The following CUX2 variants were observed in gnomAD, a reference collection of about 807,000 sequenced individuals.
The protein encoded by CUX2 is cut like homeobox 2.
In CUX2, 40 loss-of-function variants were observed where a neutral mutation model predicts 144.8. That is an observed-to-expected ratio of 0.28 (90% CI 0.21 to 0.36). The LOEUF is 0.36. Ranked by LOEUF, CUX2 falls within the 10% of genes least tolerant of loss-of-function variation. The pLI is 1.00. For missense variants in CUX2, 1,615 were observed against 1,994.0 expected, an observed-to-expected ratio of 0.81 and a Z score of 3.62; for synonymous variants, 827 against 875.6, an observed-to-expected ratio of 0.94 and a Z score of 0.98.
chr12:111,043,065 A>G (rs1869825420), intron 1 of CUX2, among the ~76,000 whole-genome samples: 1 of 152,202 alleles, frequency 6.6e-6, no homozygotes. Flanking sequence ...TACATTCACC[A>G]CTTACGGTAT....
chr12:111,349,788 A>G lies in CUX2; in HGVS notation c.*1463A>G, dbSNP rs953171166. 1 of 152,188 alleles carries G rather than the reference A, an allele frequency of 6.6e-6. No individual in the cohort carries two copies. Among genetic ancestry groups the G allele is most frequent in the South Asian group, 2.1e-4 (1 of 4,830 alleles). 9.4% of individuals were successfully genotyped at this position (152,188 alleles called of 1,614,324 possible). A position where few individuals can be genotyped will look rare whatever the true frequency, so the allele number is the denominator to read the frequency against. ...TTACGTTTCCTTTTTCAAACTGTCC[A>G]TGGGAAGGCTGAATTGAGTGACTCC... On this transcript the variant is annotated 3_prime_UTR_variant, in exon 22 of 22. Coordinates refer to ENST00000261726, the MANE Select transcript of CUX2 (RefSeq NM_015267.4).
At chr12:111,216,996 G>A (rs1345611668) in intron 2 of CUX2, among the ~76,000 whole-genome samples, 1 of 152,188 alleles carries the variant, frequency 6.6e-6, no homozygotes, top group Non-Finnish European at 1.5e-5. Flanking sequence ...GTGGCTGATT[G>A]TGATGGGGGA....
rs111781579 is a variant in CUX2, at chr12:111,042,096, A to G, written c.63+7856A>G. The stretch of plus-strand genomic sequence containing the variant: ...AACAAAGAAAGAAAGAAAGAAATCA[A>G]TCCTTCGGCCTCTTTGGCCTGAGCT... On this transcript the variant is annotated intron_variant, in intron 1 of 21. Transcript: ENST00000261726. 3.1e-3 allele frequency among the ~76,000 whole-genome samples: 465 copies of G among 152,218 alleles called. 2 individuals carry two copies. The highest frequency in any genetic ancestry group is 0.011 in the African/African-American group (441 of 41,546).
intron 1 of CUX2, among the ~76,000 whole-genome samples, chr12:111,100,396 A>G (rs919335315): frequency 6.6e-6 from 1 of 151,702 alleles, no homozygotes; most frequent in Middle Eastern, 3.2e-3. Flanking sequence ...GTGTGCACTC[A>G]TGAGTTGTGT....
intron 16 of CUX2, among the ~76,000 whole-genome samples, chr12:111,317,083 A>G (rs1360866423): frequency 6.6e-6 from 1 of 152,210 alleles, no homozygotes; most frequent in Non-Finnish European, 1.5e-5. Context: ...TTATGACAAA[A>G]TAATGTTCCA....
chr12:111,125,262 C>A (rs1178415397), intron 1 of CUX2, among the ~76,000 whole-genome samples: 2 of 151,850 alleles, frequency 1.3e-5, no homozygotes, highest in Non-Finnish European at 1.5e-5. Flanking sequence ...TCACTGCAAC[C>A]TCCGCCTCTT....
chr12:111,242,614 G>C (rs1055275152), intron 3 of CUX2, among the ~76,000 whole-genome samples: 1 of 152,152 alleles, frequency 6.6e-6, no homozygotes, highest in African/African-American at 2.4e-5. Flanking sequence ...AGGAATTCAA[G>C]ACCAGCCTGG....
rs1263846494 is a variant in CUX2, at chr12:111,186,905, A to T, written c.64-27295A>T. ...GTGATTCTCCTGCCTCAGCCTCCTGAGTAGCTGGGATTACAGGCACGTGCC... is the reference window on the plus strand; with the variant it reads ...GTGATTCTCCTGCCTCAGCCTCCTGTGTAGCTGGGATTACAGGCACGTGCC... On this transcript the variant is annotated intron_variant, in intron 1 of 21. Coordinates refer to ENST00000261726, the MANE Select transcript of CUX2 (RefSeq NM_015267.4). The surrounding 1 kb of genome is among the most constrained non-coding windows in gnomAD (Gnocchi z 4.4). Among the ~76,000 whole-genome samples the T allele has an allele frequency of 2.0e-5, 3 of 151,670 alleles. No individual in the cohort carries two copies. The highest frequency in any genetic ancestry group is 4.4e-5 in the Non-Finnish European group (3 of 67,980).
rs79966015 is a variant in CUX2 at position 111,073,251 on chromosome 12, A to T, written c.63+39011A>T. Among the ~76,000 whole-genome samples the T allele has an allele frequency of 8.2e-3, 1,244 of 152,108 alleles. 38 individuals are homozygous for T. The highest frequency in any genetic ancestry group is 0.028 in the African/African-American group (1,157 of 41,356). On this transcript the variant is annotated intron_variant, in intron 1 of 21. Transcript: ENST00000261726. ...TACAGCACAGATTAGTCTTGTTTGGAATCAACCAGCCTGTGCTCTTCTGTG... is the reference window on the plus strand; with the variant it reads ...TACAGCACAGATTAGTCTTGTTTGGTATCAACCAGCCTGTGCTCTTCTGTG...
At chr12:111,232,258 G>A (rs1027787955) in intron 3 of CUX2, among the ~76,000 whole-genome samples, 2 of 151,954 alleles carry the variant, frequency 1.3e-5, no homozygotes, top group African/African-American at 4.8e-5. Flanking sequence ...GTTCACACCT[G>A]TAATCCCAGC....
intron 4 of CUX2, among the ~76,000 whole-genome samples, chr12:111,267,190 C>G (rs1884428137): frequency 7.6e-6 from 1 of 131,134 alleles, no homozygotes; most frequent in Non-Finnish European, 1.6e-5. Context: ...AGAGCAAGAC[C>G]CTGTCAAAAA....
At position 111,214,326 on chromosome 12, in the gene CUX2, C is replaced by T. The variant is rs564489343; in HGVS notation, c.174+16C>T. 7.6e-6 allele frequency: 11 copies of T among 1,450,050 alleles called. No individual in the cohort carries two copies. The highest frequency in any genetic ancestry group is 1.7e-4 in the Middle Eastern group (1 of 5,744). 89.8% of individuals were successfully genotyped at this position (1,450,050 alleles called of 1,614,324 possible). A position where few individuals can be genotyped will look rare whatever the true frequency, so the allele number is the denominator to read the frequency against. ...TGTACCTGAGGTATGGTATATTTGCCGTTATAGAATTAACTCAGTAGGAAT... is the reference window on the plus strand; with the variant it reads ...TGTACCTGAGGTATGGTATATTTGCTGTTATAGAATTAACTCAGTAGGAAT... On this transcript the variant is annotated intron_variant, in intron 2 of 21. Transcript: ENST00000261726.
intron 4 of CUX2, among the ~76,000 whole-genome samples, chr12:111,290,563 G>A (rs1885619392): frequency 6.6e-6 from 1 of 151,916 alleles, no homozygotes; most frequent in Non-Finnish European, 1.5e-5. Context: ...AAGTAGCTGG[G>A]ATTACAGGTG....
chr12:111,342,174 G>T, intron 21 of CUX2, 121 bp downstream of exon 21: 1 of 1,192,220 alleles, frequency 8.4e-7, no homozygotes. Flanking sequence ...CCATCACATA[G>T]GCACTTAGAT....
At chr12:111,067,349 A>G (rs1191119398) in intron 1 of CUX2, among the ~76,000 whole-genome samples, 1 of 152,200 alleles carries the variant, frequency 6.6e-6, no homozygotes, top group Non-Finnish European at 1.5e-5. Context: ...GAAGGAAGAA[A>G]GGAAGGAAGC....
chr12:111,175,121 T>C (rs1878768766), intron 1 of CUX2, among the ~76,000 whole-genome samples: 1 of 152,122 alleles, frequency 6.6e-6, no homozygotes, highest in Non-Finnish European at 1.5e-5. Flanking sequence ...AACAGCAACA[T>C]TTATTTAACG....
Position 111,334,537 on chromosome 12 carries a change from G to A in CUX2, c.3023G>A (p.Ser1008Asn). The change falls in exon 19 of 22, where the codon AGC becomes AAC. Residue 1008 changes from serine (S) to asparagine (N), a missense_variant. By Grantham distance (46) the Ser-to-Asn change is conservative. Coordinates refer to ENST00000261726, the MANE Select transcript of CUX2 (RefSeq NM_015267.4). ...GAGCCGTTGAGCCTGTCCCTGGAGA[G>A]CAGCAAGGAGAACCAGCAGCCAGAG... ...SQEPLSLSLE[S>N]SKENQQPEGR... 6.2e-7 allele frequency: 1 copy of A among 1,613,936 alleles called. No individual in the cohort carries two copies. The highest frequency in any genetic ancestry group is 8.5e-7 in the Non-Finnish European group (1 of 1,179,996).
chr12:111,154,182 G>A (rs1420387166), intron 1 of CUX2, among the ~76,000 whole-genome samples: 2 of 151,908 alleles, frequency 1.3e-5, no homozygotes. Context: ...CAGCCTGTGT[G>A]ATTGCAGCAG....
At chr12:111,235,583 T>C (rs4766452) in intron 3 of CUX2, among the ~76,000 whole-genome samples, 34,317 of 151,732 alleles carry the variant, frequency 0.23, 4,925 homozygotes, top group East Asian at 0.57. Flanking sequence ...TAGCCAGGCA[T>C]GGTGGTATGT....
Sources: allele counts gnomAD v4.1 joint callset (sites outside exome capture counted in the v4.1 genomes callset), GRCh38; gene constraint gnomAD v4.1.1; non-coding constraint Gnocchi (gnomAD v3.1); transcripts MANE v1.5; gene names NCBI Gene and HGNC (gene_info 2026-07-23, HGNC 2026-07-21).